Variants in MOCS3 observed in about 807,000 individuals in gnomAD.
MOCS3 encodes the protein adenylyltransferase and sulfurtransferase MOCS3.
Under a neutral mutation model 8.4 loss-of-function variants are expected in MOCS3, and 9 were observed. The observed-to-expected ratio is 1.07, with a 90% CI of 0.65 to 1.87. The LOEUF (loss-of-function observed/expected upper bound fraction) is 1.87, where lower values mean the gene tolerates loss of function less well. Among genes scored for constraint, MOCS3 ranks in the 40% most tolerant of loss-of-function variants. The probability of loss-of-function intolerance (pLI) is 0.00; values close to 1 mark genes in which losing one functional copy is unlikely to be tolerated. For synonymous variants in MOCS3, 294 were observed against 272.0 expected, an observed-to-expected ratio of 1.08 and a Z score of -0.80; for missense variants, 581 against 599.7, an observed-to-expected ratio of 0.97 and a Z score of 0.33.
Position 50,960,066 on chromosome 20 carries a change from T to G in MOCS3, c.1224T>G (p.Ile408Met). 1 of 1,614,198 alleles carries G rather than the reference T, an allele frequency of 6.2e-7. No individual in the cohort carries two copies. Among genetic ancestry groups the G allele is most frequent in the Non-Finnish European group, 8.5e-7 (1 of 1,180,022 alleles). The change falls in exon 1 of 1, where the codon ATT (isoleucine) becomes ATG (methionine). Residue 408 changes from isoleucine (I) to methionine (M), a missense_variant. Transcript: ENST00000244051. ...QGTQEGAAVPIYVICKLGNDS... is the reference protein window; with the variant it reads ...QGTQEGAAVPMYVICKLGNDS... ...CACAAGAAGGGGCTGCTGTCCCCATTTATGTGATTTGCAAACTGGGAAATG... is the reference window on the plus strand; with the variant it reads ...CACAAGAAGGGGCTGCTGTCCCCATGTATGTGATTTGCAAACTGGGAAATG...
chr20:50,962,642 CATG>C lies in MOCS3; in HGVS notation c.*2418_*2420del, dbSNP rs1266775151. ...TCGGCTCACTGCAACCTCCACCTCC[CATG>C]TTCAAGTGATTCTCATGCCTCAGCC... On this transcript the variant is annotated 3_prime_UTR_variant, in exon 1 of 1. Coordinates refer to ENST00000244051, the MANE Select transcript of MOCS3 (RefSeq NM_014484.5). 1 of 152,236 alleles carries C rather than the reference CATG, an allele frequency of 6.6e-6. No individual in the cohort carries two copies. The highest frequency in any genetic ancestry group is 1.5e-5 in the Non-Finnish European group (1 of 68,078). 9.4% of individuals were successfully genotyped at this position (152,236 alleles called of 1,614,324 possible).
Position 50,961,710 on chromosome 20 carries a change from C to G in MOCS3, c.*1485C>G, listed in dbSNP as rs967795793. 1 of 152,126 alleles carries G rather than the reference C, an allele frequency of 6.6e-6. No individual in the cohort carries two copies. The highest frequency in any genetic ancestry group is 1.5e-5 in the Non-Finnish European group (1 of 68,024). The allele number at this position is 152,126 out of a possible 1,614,324, so 9.4% of individuals were successfully genotyped here. A position where few individuals can be genotyped will look rare whatever the true frequency, so the allele number is the denominator to read the frequency against. On this transcript the variant is annotated 3_prime_UTR_variant, in exon 1 of 1. Transcript: ENST00000244051. Reference sequence around the variant, plus strand: ...TTAACAAATTCAAAATTAGTCATCACTTTTTAACTGTGAAACATTGTAACT... The same window carrying G: ...TTAACAAATTCAAAATTAGTCATCAGTTTTTAACTGTGAAACATTGTAACT...
Position 50,959,244 on chromosome 20 carries a change from C to A in MOCS3, c.402C>A (p.Gly134=). 1 of 1,610,150 alleles carries A rather than the reference C, an allele frequency of 6.2e-7. No homozygotes were observed. Among genetic ancestry groups the A allele is most frequent in the South Asian group, 1.1e-5 (1 of 91,012 alleles). ...RQVLHGEALA[G]QAKAFSAAAS... is the part of the protein sequence containing the mutation. ...TGCTGCATGGCGAGGCACTGGCTGG[C>A]CAGGCCAAGGCCTTTTCGGCCGCCG... The change falls in exon 1 of 1, where the codon GGC becomes GGA. Residue 134 remains glycine (G), a synonymous_variant. Coordinates refer to ENST00000244051, the MANE Select transcript of MOCS3 (RefSeq NM_014484.5).
rs1987078031 is a variant in MOCS3, at chr20:50,960,399, T to C, written c.*174T>C. ...AATTGTTATGTATTGGATGAATGAC[T>C]TATTAATGGATTATACCGTTTCTGA... On this transcript the variant is annotated 3_prime_UTR_variant, in exon 1 of 1. Transcript: ENST00000244051. 1.6e-6 allele frequency: 1 copy of C among 633,458 alleles called. No individual in the cohort carries two copies. Among genetic ancestry groups the C allele is most frequent in the South Asian group, 3.0e-5 (1 of 33,704 alleles). The allele number at this position is 633,458 out of a possible 1,614,324, so 39.2% of individuals were successfully genotyped here.
In MOCS3 at chr20:50,959,702, C is replaced by G. The variant is rs532631374; in HGVS notation, c.860C>G (p.Ser287Cys). 5 of 1,614,264 alleles carry G rather than the reference C, an allele frequency of 3.1e-6. No individual in the cohort carries two copies. The South Asian group carries it at 5.5e-5, about 18-fold the overall frequency. ...LFDALRGHFR[S>C]IRLRSRRLDC... is the part of the protein sequence containing the mutation. ...GATGCCCTGAGAGGGCATTTCCGCT[C>G]TATTCGGCTGCGGAGCCGCAGGCTC... is the stretch of plus-strand genomic sequence containing the variant. The change falls in exon 1 of 1, where the codon TCT (serine) becomes TGT (cysteine). Residue 287 changes from serine (S) to cysteine (C), a missense_variant. Coordinates refer to ENST00000244051, the MANE Select transcript of MOCS3 (RefSeq NM_014484.5).
In MOCS3 at chr20:50,961,749, G is replaced by C. The variant is rs1371636703; in HGVS notation, c.*1524G>C. On this transcript the variant is annotated 3_prime_UTR_variant, in exon 1 of 1. Transcript: ENST00000244051. ...AACATTGTAACTAATTCTTTGAACA[G>C]GTATACTTAAAGTATGGTATACCCT... The C allele has an allele frequency of 3.9e-5, 6 of 152,044 alleles. No homozygotes were observed. The highest frequency in any genetic ancestry group is 8.8e-5 in the Non-Finnish European group (6 of 68,028). The allele number at this position is 152,044 out of a possible 1,614,324, so 9.4% of individuals were successfully genotyped here.
At position 50,959,568 on chromosome 20, in the gene MOCS3, C is replaced by T. The variant is rs1442295235; in HGVS notation, c.726C>T (p.Gly242=). Residue 242 remains glycine, a synonymous_variant, in exon 1 of 1, where the codon GGC becomes GGT. Transcript: ENST00000244051. The part of the protein sequence containing the change: ...PAETVTNCAD[G]GVLGVVTGVL... ...AGACAGTGACCAACTGCGCGGACGG[C>T]GGGGTGCTCGGTGTCGTTACCGGGG... The T allele has an allele frequency of 3.7e-6, 6 of 1,614,094 alleles. No homozygotes were observed. The highest frequency in any genetic ancestry group is 2.2e-5 in the East Asian group (1 of 44,890).
Position 50,960,008 on chromosome 20 carries a change from TA to T in MOCS3, c.1170del (p.Glu391LysfsTer20). Reference sequence around the variant, plus strand: ...AGGGATGCGGAGAGCCTGAAACTCTTAAAAGAAGCAATCTGGGAAGAGAAGC... The same window carrying T: ...AGGGATGCGGAGAGCCTGAAACTCTTAAAGAAGCAATCTGGGAAGAGAAGC... The part of the protein sequence containing the change: ...ERRDAESLKL[L>X]KEAIWEEKQG... On this transcript the variant is annotated frameshift_variant, in exon 1 of 1. Coordinates refer to ENST00000244051, the MANE Select transcript of MOCS3 (RefSeq NM_014484.5). LOFTEE classifies it high-confidence loss of function. The T allele has an allele frequency of 6.2e-7, 1 of 1,614,198 alleles. No individual in the cohort carries two copies. The highest frequency in any genetic ancestry group is 8.5e-7 in the Non-Finnish European group (1 of 1,180,038).
In MOCS3 at chr20:50,959,755, A is replaced by G. The variant is rs756932915; in HGVS notation, c.913A>G (p.Thr305Ala). Residue 305 changes from threonine to alanine, a missense_variant, in exon 1 of 1, where the codon ACT becomes GCT. Coordinates refer to ENST00000244051, the MANE Select transcript of MOCS3 (RefSeq NM_014484.5). Reference protein sequence around the residue: ...LDCAACGERPTVTDLLDYEAF... With the variant: ...LDCAACGERPAVTDLLDYEAF... ...CTGTGCAGCTTGCGGGGAACGGCCCACTGTGACTGATCTGCTGGACTATGA... is the reference window on the plus strand; with the variant it reads ...CTGTGCAGCTTGCGGGGAACGGCCCGCTGTGACTGATCTGCTGGACTATGA... 1 of 1,614,268 alleles carries G rather than the reference A, an allele frequency of 6.2e-7. No individual in the cohort carries two copies. Among genetic ancestry groups the G allele is most frequent in the South Asian group, 1.1e-5 (1 of 91,084 alleles).
At position 50,960,417 on chromosome 20, in the gene MOCS3, G is replaced by A. The variant is rs1384052791; in HGVS notation, c.*192G>A. The stretch of plus-strand genomic sequence containing the variant: ...GAATGACTTATTAATGGATTATACC[G>A]TTTCTGAGAACCATCATTTTTTTTT... On this transcript the variant is annotated 3_prime_UTR_variant, in exon 1 of 1. Transcript: ENST00000244051. 4 of 526,764 alleles carry A rather than the reference G, an allele frequency of 7.6e-6. No homozygotes were observed. Among genetic ancestry groups the A allele is most frequent in the African/African-American group, 3.9e-5 (2 of 51,094 alleles). 32.6% of individuals were successfully genotyped at this position (526,764 alleles called of 1,614,324 possible). A position where few individuals can be genotyped will look rare whatever the true frequency, so the allele number is the denominator to read the frequency against.
rs770718016 is a variant in MOCS3 at position 50,960,043 on chromosome 20, CAAG to C, written c.1205_1207del (p.Glu402del). 4 of 1,614,138 alleles carry C rather than the reference CAAG, an allele frequency of 2.5e-6. No individual in the cohort carries two copies. The highest frequency in any genetic ancestry group is 1.3e-5 in the African/African-American group (1 of 74,948). On this transcript the variant is annotated inframe_deletion, in exon 1 of 1. Coordinates refer to ENST00000244051, the MANE Select transcript of MOCS3 (RefSeq NM_014484.5). ...AATCTGGGAAGAGAAGCAGGGCACA[CAAG>C]AAGGGGCTGCTGTCCCCATTTATGT...
In MOCS3 at chr20:50,958,995, G is replaced by A; in HGVS notation, c.153G>A (p.Pro51=). ...ERLVPVSPLP[P]KAALSRDEIL... ...TGGTTCCGGTGTCGCCGCTGCCGCC[G>A]AAGGCCGCTCTGTCCCGAGATGAGA... Residue 51 remains proline (P), a synonymous_variant, in exon 1 of 1, where the codon CCG becomes CCA. Coordinates refer to ENST00000244051, the MANE Select transcript of MOCS3 (RefSeq NM_014484.5). 1.2e-6 allele frequency: 2 copies of A among 1,609,754 alleles called. No homozygotes were observed. The highest frequency in any genetic ancestry group is 8.5e-7 in the Non-Finnish European group (1 of 1,177,250).
At position 50,959,889 on chromosome 20, in the gene MOCS3, A is replaced by T; in HGVS notation, c.1047A>T (p.Ala349=). The T allele has an allele frequency of 6.2e-7, 1 of 1,614,192 alleles. No individual in the cohort carries two copies. Among genetic ancestry groups the T allele is most frequent in the South Asian group, 1.1e-5 (1 of 91,086 alleles). ...ATAAGCGACTGCTGGATTCTGGGGC[A>T]TTCCACCTGTTGCTGGACGTCAGGC... ...TDYKRLLDSG[A]FHLLLDVRPQ... Residue 349 remains alanine (A), a synonymous_variant, in exon 1 of 1, where the codon GCA becomes GCT. Transcript: ENST00000244051.
rs748683920 is a variant in MOCS3 at position 50,959,571 on chromosome 20, G to C, written c.729G>C (p.Gly243=). The change falls in exon 1 of 1, where the codon GGG becomes GGC. Residue 243 remains glycine (G), a synonymous_variant. Transcript: ENST00000244051. ...CAGTGACCAACTGCGCGGACGGCGG[G>C]GTGCTCGGTGTCGTTACCGGGGTCC... ...AETVTNCADG[G]VLGVVTGVLG... The C allele has an allele frequency of 1.2e-6, 2 of 1,614,130 alleles. No individual in the cohort carries two copies. The highest frequency in any genetic ancestry group is 4.5e-5 in the East Asian group (2 of 44,888).
chr20:50,961,338 TA>T lies in MOCS3; in HGVS notation c.*1117del. On this transcript the variant is annotated 3_prime_UTR_variant, in exon 1 of 1. Coordinates refer to ENST00000244051, the MANE Select transcript of MOCS3 (RefSeq NM_014484.5). ...TATGTTTGTTTACTTAACATTTTCA[TA>T]AAATAGTAGGTAGTCTCACCAACTT... is the stretch of plus-strand genomic sequence containing the variant. 6.1e-6 allele frequency: 1 copy of T among 164,628 alleles called. No individual in the cohort carries two copies. The allele number at this position is 164,628 out of a possible 1,614,324, so 10.2% of individuals were successfully genotyped here.
In MOCS3 at chr20:50,959,372, C is replaced by G; in HGVS notation, c.530C>G (p.Ala177Gly). 1 of 1,612,328 alleles carries G rather than the reference C, an allele frequency of 6.2e-7. No homozygotes were observed. Among genetic ancestry groups the G allele is most frequent in the Non-Finnish European group, 8.5e-7 (1 of 1,179,104 alleles). The change falls in exon 1 of 1, where the codon GCT (alanine) becomes GGT (glycine). Residue 177 changes from alanine (A) to glycine (G), a missense_variant. Ala to Gly is a moderately conservative substitution (Grantham distance 60, BLOSUM62 0). Coordinates refer to ENST00000244051, the MANE Select transcript of MOCS3 (RefSeq NM_014484.5). ...LDLVRRYDVV[A>G]DCSDNVPTRY... ...CTGGTCCGCCGATATGATGTGGTGG[C>G]TGACTGCTCGGACAACGTGCCCACT... is the stretch of plus-strand genomic sequence containing the variant.
In MOCS3 at chr20:50,959,803, A is replaced by G. The variant is rs771033196; in HGVS notation, c.961A>G (p.Thr321Ala). ...TGAAGCCTTCTGTGGCTCCTCAGCC[A>G]CTGATAAATGCCGCTCCCTGCAACT... ...DYEAFCGSSA[T>A]DKCRSLQLLS... is the part of the protein sequence containing the mutation. The change falls in exon 1 of 1, where the codon ACT becomes GCT. Residue 321 changes from threonine to alanine, a missense_variant. By Grantham distance (58) the Thr-to-Ala change is moderately conservative. Coordinates refer to ENST00000244051, the MANE Select transcript of MOCS3 (RefSeq NM_014484.5). 6.2e-7 allele frequency: 1 copy of G among 1,614,240 alleles called. No individual in the cohort carries two copies.
chr20:50,959,367 G>T lies in MOCS3; in HGVS notation c.525G>T (p.Val175=). ...TAGACCTGGTCCGCCGATATGATGTGGTGGCTGACTGCTCGGACAACGTGC... is the reference window on the plus strand; with the variant it reads ...TAGACCTGGTCCGCCGATATGATGTTGTGGCTGACTGCTCGGACAACGTGC... ...TALDLVRRYD[V]VADCSDNVPT... is the part of the protein sequence containing the mutation. The change falls in exon 1 of 1, where the codon GTG becomes GTT. Residue 175 remains valine (V), a synonymous_variant. Coordinates refer to ENST00000244051, the MANE Select transcript of MOCS3 (RefSeq NM_014484.5). 1 of 1,612,208 alleles carries T rather than the reference G, an allele frequency of 6.2e-7. No individual in the cohort carries two copies. Among genetic ancestry groups the T allele is most frequent in the South Asian group, 1.1e-5 (1 of 91,038 alleles).
Position 50,959,707 on chromosome 20 carries a change from C to T in MOCS3, c.865C>T (p.Arg289Trp), listed in dbSNP as rs569210727. Residue 289 changes from arginine (R) to tryptophan (W), a missense_variant, in exon 1 of 1, where the codon CGG (arginine) becomes TGG (tryptophan). Physicochemically the swap from Arg to Trp is moderately radical, Grantham distance 101 (BLOSUM62 -3). Coordinates refer to ENST00000244051, the MANE Select transcript of MOCS3 (RefSeq NM_014484.5). ...CCTGAGAGGGCATTTCCGCTCTATT[C>T]GGCTGCGGAGCCGCAGGCTCGACTG... ...DALRGHFRSIRLRSRRLDCAA... is the reference protein window; with the variant it reads ...DALRGHFRSIWLRSRRLDCAA... The T allele has an allele frequency of 1.2e-6, 2 of 1,614,240 alleles. No homozygotes were observed. Among genetic ancestry groups the T allele is most frequent in the South Asian group, 1.1e-5 (1 of 91,086 alleles).
Sources: allele counts gnomAD v4.1 joint callset, GRCh38; gene constraint gnomAD v4.1.1; transcripts MANE v1.5; gene names NCBI Gene and HGNC (gene_info 2026-07-23, HGNC 2026-07-21).